SNTG2: variants seen among roughly 807,000 people sequenced by gnomAD.
SNTG2 encodes syntrophin gamma 2, also known as gamma-2-syntrophin.
A neutral mutation model predicts 70.9 loss-of-function variants in SNTG2; 74 were observed. The observed-to-expected ratio is 1.04, with a 90% confidence interval of 0.86 to 1.27. The LOEUF is 1.27. SNTG2 is among the 50% of genes most tolerant of loss of function. The probability of loss-of-function intolerance (pLI) is 0.00; values close to 1 mark genes in which losing one functional copy is unlikely to be tolerated. For missense variants in SNTG2, 717 were observed against 690.7 expected, an observed-to-expected ratio of 1.04 and a Z score of -0.43; for synonymous variants, 278 against 273.8, an observed-to-expected ratio of 1.02 and a Z score of -0.15.
At chr2:1,011,883 A>G (rs375586738) in intron 1 of SNTG2, among the ~76,000 whole-genome samples, 1 of 152,252 alleles carries the variant, frequency 6.6e-6, no homozygotes, top group South Asian at 2.1e-4. Flanking sequence ...GAAACTCTGC[A>G]TTACACTCAT....
intron 6 of SNTG2, chr2:1,159,241 G>A (rs1029590880): frequency 6.6e-6 from 1 of 151,520 alleles, no homozygotes; most frequent in Non-Finnish European, 1.5e-5. Flanking sequence ...GTGAGTGTGT[G>A]TGTGTGTATG....
At chr2:1,326,131 C>G (rs778556533) in intron 16 of SNTG2, among the ~76,000 whole-genome samples, 2 of 152,134 alleles carry the variant, frequency 1.3e-5, no homozygotes, top group Admixed American at 1.3e-4. Context: ...CTGCACCCAG[C>G]CGGCATATCA....
intron 8 of SNTG2, among the ~76,000 whole-genome samples, chr2:1,204,653 G>C (rs1673511225): frequency 6.6e-6 from 1 of 152,216 alleles, no homozygotes; most frequent in Non-Finnish European, 1.5e-5. Flanking sequence ...TCTTTATAGA[G>C]AGACCACATT....
At chr2:1,255,408 G>A (rs9678600) in intron 12 of SNTG2, among the ~76,000 whole-genome samples, 45,492 of 151,930 alleles carry the variant, frequency 0.3, 7,571 homozygotes, top group African/African-American at 0.45. Context: ...AATACTTCTT[G>A]AAAACACAGG....
intron 13 of SNTG2, among the ~76,000 whole-genome samples, chr2:1,260,514 C>T (rs558683498): frequency 1.3e-5 from 2 of 152,100 alleles, no homozygotes; most frequent in Non-Finnish European, 2.9e-5. Flanking sequence ...TTGTAATAAA[C>T]AATCATTGAT....
intron 1 of SNTG2, among the ~76,000 whole-genome samples, chr2:976,972 G>C (rs1368889749): frequency 6.6e-6 from 1 of 152,204 alleles, no homozygotes; most frequent in East Asian, 1.9e-4. Context: ...GTAAGGCCAA[G>C]GGTCTTGTGG....
At chr2:965,935 GC>G (rs1221043341) in intron 1 of SNTG2, among the ~76,000 whole-genome samples, 1 of 152,110 alleles carries the variant, frequency 6.6e-6, no homozygotes, top group Non-Finnish European at 1.5e-5. Context: ...CTTAGGGCGG[GC>G]TGGGCCCAGC....
intron 14 of SNTG2, among the ~76,000 whole-genome samples, chr2:1,302,014 T>G (rs1006804289): frequency 1.3e-5 from 2 of 151,158 alleles, no homozygotes; most frequent in African/African-American, 2.4e-5. Context: ...CAGGCTGGAG[T>G]GCAGTGGTGT....
At chr2:995,079 G>A (rs1054835860) in intron 1 of SNTG2, among the ~76,000 whole-genome samples, 6 of 151,472 alleles carry the variant, frequency 4.0e-5, no homozygotes, top group Non-Finnish European at 8.8e-5. Context: ...ATATTCCTTT[G>A]ATAGGCACAC....
chr2:1,307,972 T>G (rs1680783583), intron 14 of SNTG2, among the ~76,000 whole-genome samples: 4 of 152,136 alleles, frequency 2.6e-5, no homozygotes, highest in Admixed American at 2.0e-4. Flanking sequence ...CCGATGTAGT[T>G]TTTGTTTGTT....
At chr2:1,034,965 A>G (rs754992648) in intron 1 of SNTG2, among the ~76,000 whole-genome samples, 1 of 152,238 alleles carries the variant, frequency 6.6e-6, no homozygotes, top group Admixed American at 6.5e-5. Flanking sequence ...ACAGTAGGAC[A>G]TAAAACAATC....
chr2:1,202,205 A>G (rs576585926), intron 8 of SNTG2, among the ~76,000 whole-genome samples: 10 of 152,196 alleles, frequency 6.6e-5, no homozygotes, highest in Non-Finnish European at 1.2e-4. Context: ...GTTTTCTTTC[A>G]GATAAATAAT....
chr2:1,284,972 AAT>A (rs749826562), intron 14 of SNTG2, among the ~76,000 whole-genome samples: 20 of 151,086 alleles, frequency 1.3e-4, no homozygotes, highest in Non-Finnish European at 2.5e-4. Flanking sequence ...TAACTATATA[AAT>A]ATATATATGT....
chr2:1,062,979 T>C (rs1662921653), intron 1 of SNTG2, among the ~76,000 whole-genome samples: 1 of 152,210 alleles, frequency 6.6e-6, no homozygotes, highest in Non-Finnish European at 1.5e-5. Flanking sequence ...TCTACCACAT[T>C]GTACATAACA....
Position 1,097,795 on chromosome 2 carries a change from G to A in SNTG2, c.211-401G>A, listed in dbSNP as rs141167252. ...AGAGACGTACAGTGAAGCGTGAGCC[G>A]GTCCTGGGGTTGGTGGGTAGAGAGC... On this transcript the variant is annotated intron_variant, in intron 2 of 16. Coordinates refer to ENST00000308624, the MANE Select transcript of SNTG2 (RefSeq NM_018968.4). The surrounding 1 kb of genome is among the most constrained non-coding windows in gnomAD (Gnocchi z 4.1). Among the ~76,000 whole-genome samples the A allele has an allele frequency of 4.9e-4, 74 of 152,092 alleles. No homozygotes were observed. The highest frequency in any genetic ancestry group is 1.7e-3 in the African/African-American group (71 of 41,500).
intron 4 of SNTG2, among the ~76,000 whole-genome samples, chr2:1,100,387 T>C (rs895620799): frequency 1.4e-4 from 21 of 152,180 alleles, no homozygotes; most frequent in African/African-American, 5.1e-4. Context: ...TCAGGTGATC[T>C]GCCTGCCTCC....
Position 986,198 on chromosome 2 carries a change from C to G in SNTG2, c.72+35130C>G, listed in dbSNP as rs147336716. On this transcript the variant is annotated intron_variant, in intron 1 of 16. Transcript: ENST00000308624. ...GGGGAAGCACTGAGCACAGGCAGCT[C>G]ATTTGGGGACATGGCCGGGATGGCC... is the stretch of plus-strand genomic sequence containing the variant. Among the ~76,000 whole-genome samples the G allele has an allele frequency of 2.0e-5, 3 of 152,116 alleles. No homozygotes were observed. The East Asian group carries it at 5.8e-4, about 30-fold the overall frequency.
chr2:1,322,959 C>T (rs1681599002), intron 16 of SNTG2, among the ~76,000 whole-genome samples: 1 of 152,172 alleles, frequency 6.6e-6, no homozygotes, highest in South Asian at 2.1e-4. Flanking sequence ...TCATAGGGCA[C>T]ATTCACTTTG....
At chr2:1,279,119 A>G (rs1349304759) in intron 14 of SNTG2, among the ~76,000 whole-genome samples, 1 of 148,950 alleles carries the variant, frequency 6.7e-6, no homozygotes, top group Middle Eastern at 3.6e-3. Context: ...CAGCGCGCGA[A>G]TCACCCGTCA....
Sources: gnomAD v4.1 joint callset for allele counts (sites outside exome capture counted in the v4.1 genomes callset) on GRCh38, gnomAD v4.1.1 for gene constraint, Gnocchi (gnomAD v3.1) non-coding constraint, MANE v1.5 for transcripts, NCBI Gene and HGNC (gene_info 2026-07-23, HGNC 2026-07-21) for gene names.